Variants in KATNIP observed in about 807,000 individuals in gnomAD.
KATNIP encodes katanin interacting protein.
KATNIP carries 126 observed loss-of-function variants against 174.0 expected under a neutral mutation model. The ratio of observed to expected loss-of-function variants is 0.72; its 90% CI spans 0.63 to 0.84. The LOEUF is 0.84. KATNIP is among the 40% of genes least tolerant of loss of function. The pLI, the probability that KATNIP is intolerant of heterozygous loss-of-function variation, is 0.00. For missense variants in KATNIP, 1,958 were observed against 2,109.7 expected, an observed-to-expected ratio of 0.93 and a Z score of 1.41; for synonymous variants, 810 against 835.7, an observed-to-expected ratio of 0.97 and a Z score of 0.53.
chr16:27,553,478 A>G (rs1424342246), intron 1 of KATNIP, among the ~76,000 whole-genome samples: 1 of 152,194 alleles, frequency 6.6e-6, no homozygotes, highest in East Asian at 1.9e-4. Flanking sequence ...ATTTACTGCC[A>G]TGTACTCACA....
chr16:27,764,978 GA>G (rs2082072840), intron 19 of KATNIP, among the ~76,000 whole-genome samples: 1 of 151,936 alleles, frequency 6.6e-6, no homozygotes, highest in Non-Finnish European at 1.5e-5. Flanking sequence ...TCGATTATGA[GA>G]TTTTTTTTTT....
chr16:27,752,814 A>G (rs1002504291), intron 17 of KATNIP, among the ~76,000 whole-genome samples: 9 of 152,234 alleles, frequency 5.9e-5, no homozygotes, highest in East Asian at 5.8e-4. Context: ...TTGGCCTCCC[A>G]AAGTGCTGGG....
intron 2 of KATNIP, among the ~76,000 whole-genome samples, chr16:27,597,713 G>C (rs1177397742): frequency 6.6e-6 from 1 of 152,168 alleles, no homozygotes; most frequent in Non-Finnish European, 1.5e-5. Flanking sequence ...CTGAGTAGAT[G>C]AAGGGTCTGT....
At chr16:27,594,953 A>C (rs527572460) in intron 2 of KATNIP, among the ~76,000 whole-genome samples, 2 of 152,208 alleles carry the variant, frequency 1.3e-5, no homozygotes, top group Non-Finnish European at 2.9e-5. Flanking sequence ...AATGGGGAAA[A>C]AAGAGGAGTC....
chr16:27,681,540 C>G lies in KATNIP; in HGVS notation c.940+10C>G. 1 of 1,614,082 alleles carries G rather than the reference C, an allele frequency of 6.2e-7. No homozygotes were observed. The highest frequency in any genetic ancestry group is 8.5e-7 in the Non-Finnish European group (1 of 1,179,990). ...GAGAGGATGTGCTCCAGTAAGAGTT[C>G]CGGGGGCCCCTGAGCAGGGGAGCAG... On this transcript the variant is annotated intron_variant, in intron 8 of 27. Coordinates refer to ENST00000261588, the MANE Select transcript of KATNIP (RefSeq NM_015202.5).
intron 1 of KATNIP, among the ~76,000 whole-genome samples, chr16:27,568,412 T>G (rs1231581235): frequency 1.3e-5 from 2 of 152,234 alleles, no homozygotes; most frequent in Non-Finnish European, 2.9e-5. Flanking sequence ...GAAAAATGCA[T>G]TTGTGCTTTT....
At chr16:27,599,997 G>A (rs1054264300) in intron 2 of KATNIP, among the ~76,000 whole-genome samples, 1 of 152,170 alleles carries the variant, frequency 6.6e-6, no homozygotes, top group Admixed American at 6.5e-5. Flanking sequence ...ATCCTCTGCA[G>A]CGAAGCTTCA....
In KATNIP at chr16:27,713,843, T is replaced by TATAC. The variant is rs1241164514; in HGVS notation, c.1605+4926_1605+4927insCATA. On this transcript the variant is annotated intron_variant, in intron 13 of 27. Transcript: ENST00000261588. ...ATATATATATATATATATATATATA[T>TATAC]ATATATATATATATCTATCTCAGAT... 8.4e-5 allele frequency among the ~76,000 whole-genome samples: 7 copies of TATAC among 83,318 alleles called. No individual in the cohort carries two copies. The Admixed American group carries it at 8.6e-4, about 10-fold the overall frequency. The allele number at this position is 83,318 out of a possible 152,430, so 54.7% of individuals were successfully genotyped here.
chr16:27,777,521 G>A lies in KATNIP; in HGVS notation c.4552-89G>A. The A allele has an allele frequency of 7.7e-7, 1 of 1,299,798 alleles. No homozygotes were observed. Among genetic ancestry groups the A allele is most frequent in the Non-Finnish European group, 1.1e-6 (1 of 949,958 alleles). The allele number at this position is 1,299,798 out of a possible 1,614,324, so 80.5% of individuals were successfully genotyped here. ...ACAGCCCCGTCTTCCCGAGGAGAAA[G>A]CCTTGGCTCAGAGCAGTAACGCGTT... On this transcript the variant is annotated intron_variant, in intron 25 of 27. Coordinates refer to ENST00000261588, the MANE Select transcript of KATNIP (RefSeq NM_015202.5). This position sits in a 1 kb window ranked among gnomAD's most constrained non-coding sequence, Gnocchi z 4.4.
chr16:27,720,788 G>A (rs1174980394), intron 13 of KATNIP, among the ~76,000 whole-genome samples: 2 of 152,180 alleles, frequency 1.3e-5, no homozygotes, highest in Non-Finnish European at 2.9e-5. Flanking sequence ...TCGAGCCAGC[G>A]TGGACGCGTT....
At chr16:27,758,323 C>A (rs1466566868) in intron 18 of KATNIP, among the ~76,000 whole-genome samples, 1 of 152,314 alleles carries the variant, frequency 6.6e-6, no homozygotes, top group East Asian at 1.9e-4. Context: ...CCTTCTGTAT[C>A]CAGACCATTG....
intron 8 of KATNIP, among the ~76,000 whole-genome samples, chr16:27,691,144 A>G (rs1033170846): frequency 6.6e-6 from 1 of 152,138 alleles, no homozygotes; most frequent in Non-Finnish European, 1.5e-5. Context: ...AGAAAGGGGT[A>G]ATTTTGCTGA....
At chr16:27,693,658 G>C (rs2078814551) in intron 8 of KATNIP, among the ~76,000 whole-genome samples, 1 of 152,118 alleles carries the variant, frequency 6.6e-6, no homozygotes, top group Non-Finnish European at 1.5e-5. Context: ...CAAGGTGCTG[G>C]GATTACAGAC....
intron 2 of KATNIP, among the ~76,000 whole-genome samples, chr16:27,612,992 C>G (rs140861405): frequency 6.6e-6 from 1 of 151,846 alleles, no homozygotes; most frequent in African/African-American, 2.4e-5. Flanking sequence ...GGCACACTGG[C>G]GCACGCCTAT....
chr16:27,750,967 A>T (rs1049011678), intron 16 of KATNIP, among the ~76,000 whole-genome samples: 2 of 151,632 alleles, frequency 1.3e-5, no homozygotes. Flanking sequence ...GGCTCAAGTG[A>T]TCCACCCACC....
chr16:27,740,159 A>C lies in KATNIP; in HGVS notation c.1862A>C (p.Gln621Pro). Reference protein sequence around the residue: ...APADHSILVDQKNEKSEQLEE... With the variant: ...APADHSILVDPKNEKSEQLEE... The stretch of plus-strand genomic sequence containing the variant: ...GCTGACCACAGCATCCTGGTTGACC[A>C]GAAGAACGAGAAGAGCGAGCAACTA... Residue 621 changes from glutamine to proline, a missense_variant, in exon 15 of 28, where the codon CAG becomes CCG. Coordinates refer to ENST00000261588, the MANE Select transcript of KATNIP (RefSeq NM_015202.5). 1 of 1,614,196 alleles carries C rather than the reference A, an allele frequency of 6.2e-7. No homozygotes were observed. The highest frequency in any genetic ancestry group is 8.5e-7 in the Non-Finnish European group (1 of 1,180,030).
Position 27,637,096 on chromosome 16 carries a change from A to T in KATNIP, c.408+5934A>T, listed in dbSNP as rs2076659691. On this transcript the variant is annotated intron_variant, in intron 5 of 27. Transcript: ENST00000261588. This position sits in a 1 kb window ranked among gnomAD's most constrained non-coding sequence, Gnocchi z 4.7. Reference sequence around the variant, plus strand: ...TGGTAATTAATGAGGGCAATTAATGAGGATCAGTGGGGTCTGTGTTTGGAG... The same window carrying T: ...TGGTAATTAATGAGGGCAATTAATGTGGATCAGTGGGGTCTGTGTTTGGAG... Among the ~76,000 whole-genome samples the T allele has an allele frequency of 6.6e-6, 1 of 152,218 alleles. No individual in the cohort carries two copies. The highest frequency in any genetic ancestry group is 6.5e-5 in the Admixed American group (1 of 15,288).
At chr16:27,670,871 A>G (rs1034532714) in intron 6 of KATNIP, among the ~76,000 whole-genome samples, 1 of 152,208 alleles carries the variant, frequency 6.6e-6, no homozygotes, top group Non-Finnish European at 1.5e-5. Flanking sequence ...AAAGTCCTGG[A>G]AAGGCTGTCA....
intron 2 of KATNIP, among the ~76,000 whole-genome samples, chr16:27,592,192 G>C (rs925188986): frequency 6.8e-6 from 1 of 146,640 alleles, no homozygotes; most frequent in Non-Finnish European, 1.5e-5. Flanking sequence ...TTTGTGGCTT[G>C]ATTATAATAT....
Sources: allele counts gnomAD v4.1 joint callset (sites outside exome capture counted in the v4.1 genomes callset), GRCh38; gene constraint gnomAD v4.1.1; non-coding constraint Gnocchi (gnomAD v3.1); transcripts MANE v1.5; gene names NCBI Gene and HGNC (gene_info 2026-07-23, HGNC 2026-07-21).